The following STK39 variants were observed in gnomAD, a reference collection of about 807,000 sequenced individuals.
The protein encoded by STK39 is STE20/SPS1-related proline-alanine-rich protein kinase.
A neutral mutation model predicts 77.8 loss-of-function variants in STK39; 20 were observed. The observed-to-expected ratio is 0.26, with a 90% CI of 0.18 to 0.37. STK39 has a LOEUF of 0.37. Ranked by LOEUF, STK39 falls within the 10% of genes least tolerant of loss-of-function variation. The pLI, the probability that STK39 is intolerant of heterozygous loss-of-function variation, is 1.00. For synonymous variants in STK39, 246 were observed against 234.1 expected (o/e 1.05, Z -0.47); for missense variants, 479 against 656.5 (o/e 0.73, Z 2.95).
chr2:168,098,872 G>A lies in STK39; in HGVS notation c.1090-23641C>T, dbSNP rs113926729. Among the ~76,000 whole-genome samples the A allele has an allele frequency of 2.9e-3, 436 of 152,284 alleles. 1 individual carries two copies. Among genetic ancestry groups the A allele is most frequent in the Non-Finnish European group, 4.7e-3 (323 of 68,024 alleles). On this transcript the variant is annotated intron_variant, in intron 10 of 17. Coordinates refer to ENST00000355999, the MANE Select transcript of STK39 (RefSeq NM_013233.3). ...ATTGTTCCCTCCCCGCCAATCTGGC[G>A]AAGCCTGTAACAACACCAGAAGTGG...
rs1291925232 is a variant in STK39 at position 167,955,628 on chromosome 2, G to T, written c.1564-58C>A. 4 of 1,555,346 alleles carry T rather than the reference G, an allele frequency of 2.6e-6. No homozygotes were observed. In the East Asian group the frequency reaches 6.9e-5, roughly 27 times the overall value. ...TTTGCTGCTGCTGCTGGTTGTTAAA[G>T]TCTTGTTCCTATGATGGCAGATCTA... On this transcript the variant is annotated intron_variant, in intron 17 of 17. Transcript: ENST00000355999.
chr2:168,237,713 G>T (rs889116383), intron 1 of STK39, among the ~76,000 whole-genome samples: 1 of 152,124 alleles, frequency 6.6e-6, no homozygotes, highest in African/African-American at 2.4e-5. Context: ...TTCAACTTTG[G>T]CCATTAGAGA....
At chr2:167,970,391 T>C (rs552435927) in intron 16 of STK39, among the ~76,000 whole-genome samples, 3 of 152,302 alleles carry the variant, frequency 2.0e-5, no homozygotes, top group South Asian at 4.1e-4. Context: ...AAAATGAATC[T>C]TTGTGATATC....
At chr2:168,052,417 A>T (rs1685421842) in intron 14 of STK39, among the ~76,000 whole-genome samples, 1 of 152,240 alleles carries the variant, frequency 6.6e-6, no homozygotes, top group Admixed American at 6.5e-5. Flanking sequence ...ACAGAAAAGT[A>T]TTTAAAAGAA....
intron 10 of STK39, among the ~76,000 whole-genome samples, chr2:168,127,385 G>A (rs1408993495): frequency 6.6e-6 from 1 of 152,170 alleles, no homozygotes; most frequent in Non-Finnish European, 1.5e-5. Context: ...TCCCGACCTT[G>A]TGATTCACCT....
chr2:168,193,306 C>T lies in STK39; in HGVS notation c.209-11216G>A, dbSNP rs77676345. On this transcript the variant is annotated intron_variant, in intron 1 of 17. Transcript: ENST00000355999. ...CATGGTAGAAGTCTTTCTTCCCCCCCCTCTTCACACACTCTCACCCAGAAG... is the reference window on the plus strand; with the variant it reads ...CATGGTAGAAGTCTTTCTTCCCCCCTCTCTTCACACACTCTCACCCAGAAG... Among the ~76,000 whole-genome samples the T allele has an allele frequency of 2.5e-3, 387 of 152,284 alleles. 2 individuals carry two copies. The highest frequency in any genetic ancestry group is 8.7e-3 in the African/African-American group (361 of 41,552).
At chr2:168,125,025 T>C (rs1687505512) in intron 10 of STK39, among the ~76,000 whole-genome samples, 1 of 152,072 alleles carries the variant, frequency 6.6e-6, no homozygotes, top group Non-Finnish European at 1.5e-5. Flanking sequence ...CTAATGTAGA[T>C]GATGGGTTGA....
chr2:168,219,870 T>C (rs1690120150), intron 1 of STK39, among the ~76,000 whole-genome samples: 1 of 40,818 alleles, frequency 2.4e-5, no homozygotes, highest in Admixed American at 2.0e-4. Context: ...CTTTTCTTGC[T>C]TTTTTTTTTT....
intron 2 of STK39, among the ~76,000 whole-genome samples, chr2:168,173,407 G>C (rs937342025): frequency 6.6e-6 from 1 of 152,104 alleles, no homozygotes. Flanking sequence ...TAAGTAGCAG[G>C]TTTAACCAAA....
At chr2:167,990,714 T>C (rs1412769838) in intron 16 of STK39, among the ~76,000 whole-genome samples, 2 of 152,226 alleles carry the variant, frequency 1.3e-5, no homozygotes, top group Non-Finnish European at 2.9e-5. Context: ...CTTTATAATA[T>C]GTACAGTGGT....
intron 10 of STK39, among the ~76,000 whole-genome samples, chr2:168,090,457 G>C (rs1188430240): frequency 1.3e-5 from 2 of 152,170 alleles, no homozygotes; most frequent in Non-Finnish European, 2.9e-5. Context: ...CTGCTGAAGG[G>C]ATATGAAGAA....
chr2:168,211,916 T>G (rs78952935), intron 1 of STK39, among the ~76,000 whole-genome samples: 1 of 152,208 alleles, frequency 6.6e-6, no homozygotes, highest in African/African-American at 2.4e-5. Flanking sequence ...TACCAGCTGC[T>G]GGGAATGGAG....
intron 5 of STK39, among the ~76,000 whole-genome samples, chr2:168,160,448 C>T (rs1320385970): frequency 1.4e-5 from 2 of 137,934 alleles, no homozygotes; most frequent in African/African-American, 5.2e-5. Context: ...GTCGTAGTAA[C>T]AGAAGTAATA....
chr2:168,051,168 T>C (rs895640788), intron 14 of STK39, among the ~76,000 whole-genome samples: 2 of 152,094 alleles, frequency 1.3e-5, no homozygotes, highest in African/African-American at 2.4e-5. Context: ...AGAGGACAAG[T>C]CCTAAGAGAC....
At chr2:168,209,996 CAAA>C (rs71003026) in intron 1 of STK39, among the ~76,000 whole-genome samples, 2 of 55,682 alleles carry the variant, frequency 3.6e-5, no homozygotes, top group Non-Finnish European at 7.5e-5. Context: ...GACTCTATCT[CAAA>C]AAAAAAAAAA....
chr2:168,145,300 G>C (rs1292396410), intron 5 of STK39, among the ~76,000 whole-genome samples: 1 of 152,146 alleles, frequency 6.6e-6, no homozygotes, highest in Non-Finnish European at 1.5e-5. Flanking sequence ...AGAGGGTCCT[G>C]AAAAACAACA....
intron 3 of STK39, among the ~76,000 whole-genome samples, chr2:168,166,604 C>T (rs1688698933): frequency 6.6e-6 from 1 of 152,206 alleles, no homozygotes; most frequent in Non-Finnish European, 1.5e-5. Context: ...GTGCATTAGA[C>T]AATCTTCACA....
chr2:168,156,497 G>A (rs1269914701), intron 5 of STK39, among the ~76,000 whole-genome samples: 3 of 152,242 alleles, frequency 2.0e-5, no homozygotes, highest in East Asian at 1.9e-4. Context: ...AAAATAACAC[G>A]GCAGGAGGTC....
chr2:168,243,510 A>ATTT (rs1690824822), intron 1 of STK39, among the ~76,000 whole-genome samples: 1 of 152,206 alleles, frequency 6.6e-6, no homozygotes, highest in African/African-American at 2.4e-5. Flanking sequence ...CCCGGGACAA[A>ATTT]AGTGAAGCAA....
Sources: gnomAD v4.1 joint callset for allele counts (sites outside exome capture counted in the v4.1 genomes callset) on GRCh38, gnomAD v4.1.1 for gene constraint, MANE v1.5 for transcripts, NCBI Gene and HGNC (gene_info 2026-07-23, HGNC 2026-07-21) for gene names.